Variants in RAI14 observed in about 807,000 individuals in gnomAD.
The protein encoded by RAI14 is retinoic acid induced 14, also known as ankycorbin.
A neutral mutation model predicts 115.4 loss-of-function variants in RAI14; 45 were observed. The observed-to-expected ratio is 0.39, with a 90% CI of 0.31 to 0.50. The LOEUF (loss-of-function observed/expected upper bound fraction) is 0.50, where lower values mean the gene tolerates loss of function less well. Among genes scored for constraint, RAI14 ranks in the 20% least tolerant of loss-of-function variants. The pLI is 0.85. For missense variants in RAI14, 939 were observed against 1,131.2 expected (o/e 0.83, Z 2.44); for synonymous variants, 371 against 415.4 (o/e 0.89, Z 1.30).
chr5:34,664,797 C>T (rs535957948), intron 1 of RAI14, among the ~76,000 whole-genome samples: 50 of 151,180 alleles, frequency 3.3e-4, no homozygotes, highest in Non-Finnish European at 6.5e-4. Flanking sequence ...TCCTGAGTCC[C>T]CAAAGTCCAT....
chr5:34,792,109 G>A lies in RAI14; in HGVS notation c.168-3830G>A, dbSNP rs527381013. ...GGCTTTACTTCCATTTCCCAGAAGC[G>A]CATACCCAGTGAGAGGAATGATGAT... On this transcript the variant is annotated intron_variant, in intron 3 of 17. Coordinates refer to ENST00000265109, the MANE Select transcript of RAI14 (RefSeq NM_015577.3). Among the ~76,000 whole-genome samples the A allele has an allele frequency of 1.2e-3, 189 of 152,266 alleles. 1 individual carries two copies. The highest frequency in any genetic ancestry group is 3.3e-3 in the African/African-American group (139 of 41,546).
chr5:34,820,699 T>C (rs1756735469), intron 13 of RAI14, among the ~76,000 whole-genome samples: 1 of 152,226 alleles, frequency 6.6e-6, no homozygotes, highest in South Asian at 2.1e-4. Flanking sequence ...ACATATCTTT[T>C]GTAGGACTTT....
intron 5 of RAI14, among the ~76,000 whole-genome samples, chr5:34,805,083 C>T (rs1289441500): frequency 6.6e-6 from 1 of 152,188 alleles, no homozygotes; most frequent in African/African-American, 2.4e-5. Flanking sequence ...AGCCTTTAAA[C>T]AGTTCCTTGT....
chr5:34,776,670 G>A (rs184252363), intron 3 of RAI14, among the ~76,000 whole-genome samples: 5 of 152,008 alleles, frequency 3.3e-5, no homozygotes, highest in African/African-American at 4.8e-5. Context: ...AGATGGGCAT[G>A]GTAGTGTGTA....
At chr5:34,721,259 ATATG>A (rs1444115367) in intron 2 of RAI14, among the ~76,000 whole-genome samples, 1 of 147,836 alleles carries the variant, frequency 6.8e-6, no homozygotes, top group African/African-American at 2.5e-5. Flanking sequence ...GTTTATATAG[ATATG>A]TGTGTGTATG....
intron 7 of RAI14, among the ~76,000 whole-genome samples, chr5:34,810,183 T>G (rs1482516748): frequency 6.6e-6 from 1 of 152,200 alleles, no homozygotes; most frequent in Non-Finnish European, 1.5e-5. Flanking sequence ...TCTTTTCCCT[T>G]TGCCTATTGA....
chr5:34,691,313 T>G (rs1162030958), intron 2 of RAI14, among the ~76,000 whole-genome samples: 1 of 152,236 alleles, frequency 6.6e-6, no homozygotes, highest in Admixed American at 6.5e-5. Flanking sequence ...AGAAGAATAC[T>G]ATATAAAGTT....
At chr5:34,746,595 G>A (rs1289762913) in intron 2 of RAI14, among the ~76,000 whole-genome samples, 2 of 151,700 alleles carry the variant, frequency 1.3e-5, no homozygotes, top group Non-Finnish European at 2.9e-5. Context: ...AGTAGAGACG[G>A]GGTTTCACCA....
chr5:34,734,602 A>C (rs1200492052), intron 2 of RAI14, among the ~76,000 whole-genome samples: 1 of 152,028 alleles, frequency 6.6e-6, no homozygotes, highest in Non-Finnish European at 1.5e-5. Flanking sequence ...TAAATGTATG[A>C]ATTGGGGCAT....
chr5:34,810,935 C>CA (rs1580337285), intron 7 of RAI14, 77 bp from the exon 8 acceptor site: 4 of 1,597,882 alleles, frequency 2.5e-6, no homozygotes, highest in Admixed American at 3.4e-5. Context: ...GAAAAATGTG[C>CA]AAAAAACAGG....
At chr5:34,676,768 T>C (rs1032201571) in intron 1 of RAI14, among the ~76,000 whole-genome samples, 6 of 152,186 alleles carry the variant, frequency 3.9e-5, no homozygotes, top group African/African-American at 1.4e-4. Context: ...ATATAGGAGA[T>C]GAATGGTCTC....
intron 2 of RAI14, among the ~76,000 whole-genome samples, chr5:34,728,169 T>G (rs114061810): frequency 0.033 from 4,968 of 152,312 alleles, 110 homozygotes; most frequent in South Asian, 0.07. Context: ...CTATATTTAC[T>G]CAATGTCTGT....
chr5:34,737,380 T>C (rs567807662), intron 2 of RAI14, among the ~76,000 whole-genome samples: 1 of 152,098 alleles, frequency 6.6e-6, no homozygotes, highest in Non-Finnish European at 1.5e-5. Context: ...AACAGATTGG[T>C]TTTTAAAAAT....
At chr5:34,751,651 C>T (rs572713761) in intron 2 of RAI14, among the ~76,000 whole-genome samples, 17 of 152,212 alleles carry the variant, frequency 1.1e-4, no homozygotes, top group Middle Eastern at 3.4e-3. Flanking sequence ...TGTTGCTTGA[C>T]GACGTGATAA....
chr5:34,716,214 C>T (rs1277566206), intron 2 of RAI14: 1 of 340,990 alleles, frequency 2.9e-6, no homozygotes, highest in Non-Finnish European at 5.6e-6. Flanking sequence ...ATGCCTACAT[C>T]TTTTGAGGTG....
At chr5:34,809,675 C>T (rs1755354636) in intron 7 of RAI14, among the ~76,000 whole-genome samples, 1 of 151,466 alleles carries the variant, frequency 6.6e-6, no homozygotes, top group Non-Finnish European at 1.5e-5. Context: ...AAACATTTTG[C>T]AGCATATATT....
rs572124604 is a variant in RAI14, at chr5:34,770,071, C to T, written c.167+12473C>T. Among the ~76,000 whole-genome samples, 5 of 152,216 alleles carry T rather than the reference C, an allele frequency of 3.3e-5. No individual in the cohort carries two copies. In the East Asian group the frequency reaches 5.8e-4, roughly 18 times the overall value. The stretch of plus-strand genomic sequence containing the variant: ...CTACTGTGCCAGTGGTCCTAAAAAT[C>T]GAATGTGTATAAGAGTCATCTCCCG... On this transcript the variant is annotated intron_variant, in intron 3 of 17. Coordinates refer to ENST00000265109, the MANE Select transcript of RAI14 (RefSeq NM_015577.3).
rs1295730841 is a variant in RAI14 at position 34,803,656 on chromosome 5, T to C, written c.257-56T>C. The C allele has an allele frequency of 7.8e-6, 11 of 1,416,304 alleles. No individual in the cohort carries two copies. In the Admixed American group the frequency reaches 2.3e-4, roughly 30 times the overall value. 87.7% of individuals were successfully genotyped at this position (1,416,304 alleles called of 1,614,324 possible). On this transcript the variant is annotated intron_variant, in intron 4 of 17. Coordinates refer to ENST00000265109, the MANE Select transcript of RAI14 (RefSeq NM_015577.3). Reference sequence around the variant, plus strand: ...GTCTTCTCATATATAAGAAAGAGATTTTTTTTAAAGTGTGGCCTTTTTAAA... The same window carrying C: ...GTCTTCTCATATATAAGAAAGAGATCTTTTTTAAAGTGTGGCCTTTTTAAA...
chr5:34,714,502 C>T (rs1421405828), intron 2 of RAI14, among the ~76,000 whole-genome samples: 2 of 152,190 alleles, frequency 1.3e-5, no homozygotes, highest in African/African-American at 4.8e-5. Flanking sequence ...AGTGGTTTCA[C>T]TCCTTGCTGG....
Sources: allele counts gnomAD v4.1 joint callset (sites outside exome capture counted in the v4.1 genomes callset), GRCh38; gene constraint gnomAD v4.1.1; transcripts MANE v1.5; gene names NCBI Gene and HGNC (gene_info 2026-07-23, HGNC 2026-07-21).